The following SEPTIN9 variants were observed in gnomAD, a reference collection of about 807,000 sequenced individuals.
SEPTIN9 encodes septin-9.
A neutral mutation model predicts 56.6 loss-of-function variants in SEPTIN9; 13 were observed. The observed-to-expected ratio is 0.23, with a 90% confidence interval of 0.15 to 0.37. The LOEUF (loss-of-function observed/expected upper bound fraction) is 0.37, where lower values mean the gene tolerates loss of function less well. Among genes scored for constraint, SEPTIN9 ranks in the 10% least tolerant of loss-of-function variants. The pLI is 1.00. For missense variants in SEPTIN9, 650 were observed against 823.1 expected, an observed-to-expected ratio of 0.79 and a Z score of 2.57; for synonymous variants, 332 against 334.1, an observed-to-expected ratio of 0.99 and a Z score of 0.07.
At chr17:77,345,833 G>A (rs1408309134) in intron 2 of SEPTIN9, among the ~76,000 whole-genome samples, 4 of 152,192 alleles carry the variant, frequency 2.6e-5, no homozygotes, top group Admixed American at 1.3e-4. Flanking sequence ...ATAAGGCCTC[G>A]GTCCAGTATC....
Position 77,358,116 on chromosome 17 carries a change from G to C in SEPTIN9, c.77-43943G>C, listed in dbSNP as rs116643083. On this transcript the variant is annotated intron_variant, in intron 2 of 11. Coordinates refer to ENST00000427177, the MANE Select transcript of SEPTIN9 (RefSeq NM_001113491.2). ...TAGTCAACGGAAGCTCAGAGAGGTGGTGTAACTTGCCAAAAGTCCCACTAC... is the reference window on the plus strand; with the variant it reads ...TAGTCAACGGAAGCTCAGAGAGGTGCTGTAACTTGCCAAAAGTCCCACTAC... Among the ~76,000 whole-genome samples the C allele has an allele frequency of 6.3e-3, 962 of 152,278 alleles. 12 individuals are homozygous for C. Among genetic ancestry groups the C allele is most frequent in the African/African-American group, 0.022 (916 of 41,548 alleles).
rs182130931 is a variant in SEPTIN9 at position 77,332,505 on chromosome 17, C to T, written c.76+25308C>T. 1.9e-4 allele frequency among the ~76,000 whole-genome samples: 29 copies of T among 152,292 alleles called. No homozygotes were observed. The East Asian group carries it at 2.1e-3, about 11-fold the overall frequency. On this transcript the variant is annotated intron_variant, in intron 2 of 11. Coordinates refer to ENST00000427177, the MANE Select transcript of SEPTIN9 (RefSeq NM_001113491.2). ...AGTTTGCATTTCATTAACTAGAGTC[C>T]GGCATTTGTCTGTGATTATTTTTGT... is the stretch of plus-strand genomic sequence containing the variant.
chr17:77,413,231 ATC>A (rs1228000689), intron 3 of SEPTIN9, among the ~76,000 whole-genome samples: 11 of 152,018 alleles, frequency 7.2e-5, no homozygotes, highest in African/African-American at 2.7e-4. Context: ...CAACATAATA[ATC>A]TCTCTGTTAA....
chr17:77,335,192 A>T (rs2033499852), intron 2 of SEPTIN9, among the ~76,000 whole-genome samples: 1 of 151,828 alleles, frequency 6.6e-6, no homozygotes, highest in South Asian at 2.1e-4. Flanking sequence ...ATGTACATTT[A>T]TACATGTAGG....
chr17:77,454,686 C>A (rs866893036), intron 3 of SEPTIN9, among the ~76,000 whole-genome samples: 1 of 152,204 alleles, frequency 6.6e-6, no homozygotes, highest in African/African-American at 2.4e-5. Context: ...TGTTCAAACT[C>A]GCCGCCGCTC....
At chr17:77,418,794 G>T (rs2036593118) in intron 3 of SEPTIN9, among the ~76,000 whole-genome samples, 1 of 152,186 alleles carries the variant, frequency 6.6e-6, no homozygotes. Context: ...GGGGATCACT[G>T]CCCAGGTAGT....
Position 77,475,736 on chromosome 17 carries a change from G to A in SEPTIN9, c.722-6408G>A, listed in dbSNP as rs750091647. ...CTTCGCCGGGGCAAGGGCACCAGCTGTAGATGCCGGCAGCTTTCTCCTGGA... is the reference window on the plus strand; with the variant it reads ...CTTCGCCGGGGCAAGGGCACCAGCTATAGATGCCGGCAGCTTTCTCCTGGA... On this transcript the variant is annotated intron_variant, in intron 3 of 11. Coordinates refer to ENST00000427177, the MANE Select transcript of SEPTIN9 (RefSeq NM_001113491.2). The surrounding 1 kb of genome is among the most constrained non-coding windows in gnomAD (Gnocchi z 4.6). The A allele has an allele frequency of 1.2e-6, 2 of 1,613,054 alleles. No individual in the cohort carries two copies. Among genetic ancestry groups the A allele is most frequent in the African/African-American group, 1.3e-5 (1 of 74,938 alleles).
chr17:77,448,976 G>T (rs1598392082), intron 3 of SEPTIN9, among the ~76,000 whole-genome samples: 1 of 152,018 alleles, frequency 6.6e-6, no homozygotes, highest in Admixed American at 6.5e-5. Context: ...TAGAGACAGG[G>T]TTTTGCCATG....
intron 2 of SEPTIN9, among the ~76,000 whole-genome samples, chr17:77,340,430 C>T (rs929161464): frequency 3.3e-5 from 5 of 152,186 alleles, no homozygotes; most frequent in Non-Finnish European, 7.3e-5. Flanking sequence ...CGTGAGTTGC[C>T]GCACCAGGCC....
rs75252761 is a variant in SEPTIN9 at position 77,461,554 on chromosome 17, T to G, written c.722-20590T>G. 9.9e-3 allele frequency among the ~76,000 whole-genome samples: 1,505 copies of G among 152,326 alleles called. 21 individuals are homozygous for G. The highest frequency in any genetic ancestry group is 0.032 in the South Asian group (153 of 4,828). ...TTGTTTGCAGAGGAGTGCACAGGGC[T>G]CACCAGCTTCTTGTTGCTGTTTAAG... On this transcript the variant is annotated intron_variant, in intron 3 of 11. Coordinates refer to ENST00000427177, the MANE Select transcript of SEPTIN9 (RefSeq NM_001113491.2).
chr17:77,385,888 C>T (rs867744572), intron 2 of SEPTIN9, among the ~76,000 whole-genome samples: 198 of 152,190 alleles, frequency 1.3e-3, no homozygotes, highest in African/African-American at 4.5e-3. Flanking sequence ...AAGGCCCCTG[C>T]GGCTGTGCCT....
intron 2 of SEPTIN9, among the ~76,000 whole-genome samples, chr17:77,399,998 G>T (rs2035849098): frequency 6.6e-6 from 1 of 152,076 alleles, no homozygotes; most frequent in South Asian, 2.1e-4. Flanking sequence ...TTAGTTTGTG[G>T]AGACAGAGTC....
intron 3 of SEPTIN9, among the ~76,000 whole-genome samples, chr17:77,471,959 A>T (rs1214064203): frequency 6.6e-6 from 1 of 150,962 alleles, no homozygotes; most frequent in Non-Finnish European, 1.5e-5. Flanking sequence ...CAGAATATAA[A>T]ATAGCCCCCC....
chr17:77,320,250 C>T (rs568807545), intron 2 of SEPTIN9: 109 of 1,611,050 alleles, frequency 6.8e-5, no homozygotes, highest in Admixed American at 8.3e-5. Context: ...AGAGGGAGGG[C>T]GACGGGGGTG....
chr17:77,482,617 G>A (rs2039505174), intron 4 of SEPTIN9: 2 of 641,324 alleles, frequency 3.1e-6, no homozygotes, highest in South Asian at 1.7e-5. Context: ...ATGAGTGGTC[G>A]CTGCCTCTGA....
rs60556749 is a variant in SEPTIN9 at position 77,423,420 on chromosome 17, G to A, written c.721+20717G>A. On this transcript the variant is annotated intron_variant, in intron 3 of 11. Coordinates refer to ENST00000427177, the MANE Select transcript of SEPTIN9 (RefSeq NM_001113491.2). ...TCCACAGAGTGAATGTTTAGGAACC[G>A]GCGAGGCATCTCTCACCCCCACCCA... is the stretch of plus-strand genomic sequence containing the variant. 2.9e-3 allele frequency among the ~76,000 whole-genome samples: 446 copies of A among 152,362 alleles called. 1 individual carries two copies. Among genetic ancestry groups the A allele is most frequent in the African/African-American group, 9.9e-3 (410 of 41,590 alleles).
At chr17:77,418,796 C>T (rs916961254) in intron 3 of SEPTIN9, among the ~76,000 whole-genome samples, 1 of 152,180 alleles carries the variant, frequency 6.6e-6, no homozygotes, top group Non-Finnish European at 1.5e-5. Flanking sequence ...GGATCACTGC[C>T]CAGGTAGTCA....
chr17:77,402,876 C>G lies in SEPTIN9; in HGVS notation c.721+173C>G, dbSNP rs1282264529. 6.6e-6 allele frequency among the ~76,000 whole-genome samples: 1 copy of G among 152,172 alleles called. No individual in the cohort carries two copies. The highest frequency in any genetic ancestry group is 1.5e-5 in the Non-Finnish European group (1 of 68,038). On this transcript the variant is annotated intron_variant, in intron 3 of 11. Transcript: ENST00000427177. This position sits in a 1 kb window ranked among gnomAD's most constrained non-coding sequence, Gnocchi z 6.6. ...GGGTCTGCAAGCTCAGGAGAGGTGG[C>G]TCTCTCTGTCTGATGGGAACATGCC...
At chr17:77,356,763 G>A (rs1483863131) in intron 2 of SEPTIN9, among the ~76,000 whole-genome samples, 3 of 124,904 alleles carry the variant, frequency 2.4e-5, no homozygotes, top group Non-Finnish European at 5.1e-5. Context: ...CTCTAAGTGG[G>A]AACTCAGGCC....
Sources: gnomAD v4.1 joint callset for allele counts (sites outside exome capture counted in the v4.1 genomes callset) on GRCh38, gnomAD v4.1.1 for gene constraint, Gnocchi (gnomAD v3.1) non-coding constraint, MANE v1.5 for transcripts, NCBI Gene and HGNC (gene_info 2026-07-23, HGNC 2026-07-21) for gene names.